ASMTL: variants seen among roughly 807,000 people sequenced by gnomAD.
ASMTL encodes probable bifunctional dTTP/UTP pyrophosphatase/methyltransferase protein.
ASMTL carries 57 observed loss-of-function variants against 60.3 expected under a neutral mutation model. The ratio of observed to expected loss-of-function variants is 0.95; its 90% CI spans 0.76 to 1.18. The LOEUF is 1.18. ASMTL is among the 50% of genes most tolerant of loss of function. The probability of loss-of-function intolerance (pLI) is 0.00; values close to 1 mark genes in which losing one functional copy is unlikely to be tolerated. For synonymous variants in ASMTL, 419 were observed against 373.0 expected (o/e 1.12, Z -1.42); for missense variants, 981 against 852.6 (o/e 1.15, Z -1.88).
chrX:1,453,060 A>G, upstream of ASMTL: 1 of 521,242 alleles, frequency 1.9e-6, no homozygotes, highest in South Asian at 2.3e-5. Flanking sequence ...GGCCTCGCCC[A>G]GGCCACACCT....
At position 1,432,280 on chromosome X, in the gene ASMTL, G is replaced by C. The variant is rs140800260; in HGVS notation, c.498C>G (p.Ser166Arg). ...CCCCCGAGACTCACATGGGCTCCCC[G>C]CTGTGGACGTATTCCCAGAGCAGCT... ...SEELLWEYVH[S>R]GEPMDKAGGY... The change falls in exon 6 of 13, where the codon AGC becomes AGG. Residue 166 changes from serine to arginine, a missense_variant. Ser to Arg is a moderately radical substitution (Grantham distance 110). Coordinates refer to ENST00000381317, the MANE Select transcript of ASMTL (RefSeq NM_004192.4). The C allele has an allele frequency of 5.6e-5, 83 of 1,478,264 alleles. No homozygotes were observed. The highest frequency in any genetic ancestry group is 6.9e-5 in the Non-Finnish European group (74 of 1,070,750). The allele number at this position is 1,478,264 out of a possible 1,614,324, so 91.6% of individuals were successfully genotyped here.
chrX:1,449,160 A>G (rs2091294902), intron 1 of ASMTL, among the ~76,000 whole-genome samples: 1 of 152,088 alleles, frequency 6.6e-6, no homozygotes, highest in South Asian at 2.1e-4. Flanking sequence ...GTAAGAGAGA[A>G]CACTCCTGAC....
At chrX:1,404,717 C>T (rs1453206450) in intron 12 of ASMTL, among the ~76,000 whole-genome samples, 5 of 132,588 alleles carry the variant, frequency 3.8e-5, no homozygotes, top group African/African-American at 1.2e-4. Context: ...CAGATGGATG[C>T]ATGGATGAGA....
intron 12 of ASMTL, among the ~76,000 whole-genome samples, chrX:1,406,110 A>G (rs1326653274): frequency 6.7e-6 from 1 of 149,770 alleles, no homozygotes; most frequent in African/African-American, 2.5e-5. Flanking sequence ...ATGGGTAGGT[A>G]GGTAGGTAGA....
At chrX:1,404,895 A>G (rs1424734270) in intron 12 of ASMTL, among the ~76,000 whole-genome samples, 2 of 151,562 alleles carry the variant, frequency 1.3e-5, no homozygotes, top group Admixed American at 6.6e-5. Flanking sequence ...TTGGGTGAAT[A>G]GATGGTAGCT....
chrX:1,450,639 C>T (rs1244208876), intron 1 of ASMTL, among the ~76,000 whole-genome samples: 8 of 139,852 alleles, frequency 5.7e-5, no homozygotes, highest in Non-Finnish European at 1.3e-4. Flanking sequence ...CTCTCCCCTC[C>T]CCCATCCCTA....
chrX:1,416,709 C>G (rs5949019), intron 11 of ASMTL, among the ~76,000 whole-genome samples: 24 of 150,544 alleles, frequency 1.6e-4, no homozygotes, highest in African/African-American at 5.6e-4. Flanking sequence ...CACATTCTTA[C>G]GCACGCACAC....
intron 5 of ASMTL, among the ~76,000 whole-genome samples, chrX:1,434,786 C>T (rs376632209): frequency 1.5e-5 from 2 of 131,722 alleles, no homozygotes; most frequent in Non-Finnish European, 3.3e-5. Flanking sequence ...GAGAGCGAGA[C>T]TCCATCTCAA....
intron 2 of ASMTL, among the ~76,000 whole-genome samples, chrX:1,439,949 G>A (rs1254353370): frequency 6.6e-6 from 1 of 152,070 alleles, no homozygotes; most frequent in Admixed American, 6.6e-5. Context: ...GGCAGTCACA[G>A]GACATCTGTG....
intron 12 of ASMTL, among the ~76,000 whole-genome samples, chrX:1,406,105 TA>T (rs2089825657): frequency 7.5e-6 from 1 of 132,542 alleles, no homozygotes; most frequent in Non-Finnish European, 1.6e-5. Context: ...AATAAATGGG[TA>T]GGTAGGTAGG....
chrX:1,417,550 C>G (rs1438458568), intron 11 of ASMTL, among the ~76,000 whole-genome samples: 1 of 131,972 alleles, frequency 7.6e-6, no homozygotes, highest in Admixed American at 8.0e-5. Context: ...CACACAGACA[C>G]ACAAGCACGA....
chrX:1,441,056 C>T (rs779617187), intron 2 of ASMTL, among the ~76,000 whole-genome samples: 2 of 151,968 alleles, frequency 1.3e-5, no homozygotes, highest in African/African-American at 4.8e-5. Flanking sequence ...TTGTAGCATA[C>T]AGCAACAGAT....
At chrX:1,434,378 G>C (rs1325326814) in intron 5 of ASMTL, among the ~76,000 whole-genome samples, 1 of 151,684 alleles carries the variant, frequency 6.6e-6, no homozygotes, top group Non-Finnish European at 1.5e-5. Flanking sequence ...TAGTTTCTGT[G>C]ACTGTAGGGG....
chrX:1,417,221 G>C (rs1335835408), intron 11 of ASMTL, among the ~76,000 whole-genome samples: 1 of 137,600 alleles, frequency 7.3e-6, no homozygotes, highest in African/African-American at 2.7e-5. Context: ...ATGCACACAG[G>C]GACACACAAC....
rs1437653521 is a variant in ASMTL at position 1,425,578 on chromosome X, T to C, written c.1007A>G (p.Glu336Gly). 7.4e-6 allele frequency: 12 copies of C among 1,613,580 alleles called. No homozygotes were observed. Among genetic ancestry groups the C allele is most frequent in the East Asian group, 2.2e-5 (1 of 44,898 alleles). The change falls in exon 8 of 13, where the codon GAG becomes GGG. Residue 336 changes from glutamate to glycine, a missense_variant. Glu to Gly is a moderately conservative substitution (Grantham distance 98, BLOSUM62 -2). Coordinates refer to ENST00000381317, the MANE Select transcript of ASMTL (RefSeq NM_004192.4). ...GGCAGCACAGATGTCCAGAAGCCTCTCCATTCCACACGCAGAGGCGTCCAC... is the reference window on the plus strand; with the variant it reads ...GGCAGCACAGATGTCCAGAAGCCTCCCCATTCCACACGCAGAGGCGTCCAC... ...SKVDASACGM[E>G]RLLDICAAMG...
At position 1,428,063 on chromosome X, in the gene ASMTL, G is replaced by A. The variant is rs2090663186; in HGVS notation, c.568C>T (p.His190Tyr). Residue 190 changes from histidine (H) to tyrosine (Y), a missense_variant, in exon 7 of 13, where the codon CAC (histidine) becomes TAC (tyrosine). Coordinates refer to ENST00000381317, the MANE Select transcript of ASMTL (RefSeq NM_004192.4). ...CCCACCACGTTCAGAAAGTCCCCGTGTACGGACTCCACCAGCATGCCGCCC... is the reference window on the plus strand; with the variant it reads ...CCCACCACGTTCAGAAAGTCCCCGTATACGGACTCCACCAGCATGCCGCCC... Reference protein sequence around the residue: ...ALGGMLVESVHGDFLNVVGFP... With the variant: ...ALGGMLVESVYGDFLNVVGFP... The A allele has an allele frequency of 6.2e-7, 1 of 1,613,562 alleles. No individual in the cohort carries two copies. The highest frequency in any genetic ancestry group is 8.5e-7 in the Non-Finnish European group (1 of 1,179,722).
In ASMTL at chrX:1,425,547, C is replaced by T; in HGVS notation, c.1038G>A (p.Gly346=). ...CACCTTGCTCTGTCTTCTCCAGGAG[C>T]CCCATGGCAGCACAGATGTCCAGAA... ...ERLLDICAAM[G]LLEKTEQGYS... The change falls in exon 8 of 13, where the codon GGG becomes GGA. Residue 346 remains glycine, a synonymous_variant. Transcript: ENST00000381317. 1 of 1,613,158 alleles carries T rather than the reference C, an allele frequency of 6.2e-7. No individual in the cohort carries two copies. The highest frequency in any genetic ancestry group is 8.5e-7 in the Non-Finnish European group (1 of 1,179,750).
intron 12 of ASMTL, among the ~76,000 whole-genome samples, chrX:1,411,784 T>C (rs1404303656): frequency 1.3e-5 from 2 of 150,034 alleles, no homozygotes; most frequent in Non-Finnish European, 3.0e-5. Flanking sequence ...GAATAGTAAA[T>C]ATATTTTCTC....
chrX:1,431,096 AATAT>A (rs2090763438), intron 6 of ASMTL, among the ~76,000 whole-genome samples: 2 of 127,140 alleles, frequency 1.6e-5, no homozygotes, highest in Admixed American at 8.4e-5. Flanking sequence ...ATATTATATA[AATAT>A]ATAATTATAT....
Sources: allele counts gnomAD v4.1 joint callset (sites outside exome capture counted in the v4.1 genomes callset), GRCh38; gene constraint gnomAD v4.1.1; transcripts MANE v1.5; gene names NCBI Gene and HGNC (gene_info 2026-07-23, HGNC 2026-07-21).